The following TRIM2 variants were observed in gnomAD, a reference collection of about 807,000 sequenced individuals.
The protein encoded by TRIM2 is tripartite motif-containing protein 2.
A neutral mutation model predicts 75.2 loss-of-function variants in TRIM2; 20 were observed. The ratio of observed to expected loss-of-function variants is 0.27; its 90% CI spans 0.19 to 0.39. The LOEUF is 0.39. Ranked by LOEUF, TRIM2 falls within the 10% of genes least tolerant of loss-of-function variation. TRIM2 has a pLI of 1.00. For missense variants in TRIM2, 660 were observed against 990.8 expected, an observed-to-expected ratio of 0.67 and a Z score of 4.48; for synonymous variants, 373 against 388.3, an observed-to-expected ratio of 0.96 and a Z score of 0.46.
intron 6 of TRIM2, among the ~76,000 whole-genome samples, chr4:153,298,975 A>G (rs1280159121): frequency 6.6e-6 from 1 of 151,926 alleles, no homozygotes; most frequent in Non-Finnish European, 1.5e-5. Flanking sequence ...CTGGACTCAA[A>G]CAATCTCCCC....
intron 1 of TRIM2, among the ~76,000 whole-genome samples, chr4:153,195,196 C>G (rs935425827): frequency 3.3e-5 from 5 of 152,126 alleles, no homozygotes; most frequent in South Asian, 4.1e-4. Context: ...GAGACAGAGA[C>G]GGGAGTTCCT....
In TRIM2 at chr4:153,248,687, G is replaced by A. The variant is rs1169372344; in HGVS notation, c.31-21648G>A. 6.6e-6 allele frequency among the ~76,000 whole-genome samples: 1 copy of A among 152,246 alleles called. No individual in the cohort carries two copies. Among genetic ancestry groups the A allele is most frequent in the Non-Finnish European group, 1.5e-5 (1 of 68,046 alleles). ...CGTGCCTTAATCGCAGATGCATTCT[G>A]ACTTTCATCATAGGATTCTAATCGT... On this transcript the variant is annotated intron_variant, in intron 1 of 11. Coordinates refer to ENST00000338700, the MANE Select transcript of TRIM2 (RefSeq NM_015271.5). This position sits in a 1 kb window ranked among gnomAD's most constrained non-coding sequence, Gnocchi z 4.0.
chr4:153,339,239 A>T lies in TRIM2; in HGVS notation c.*4273A>T, dbSNP rs73854662. The T allele has an allele frequency of 7.6e-3, 7,423 of 970,330 alleles. 404 individuals carry two copies. In the African/African-American group the frequency reaches 0.12, roughly 16 times the overall value. The allele number at this position is 970,330 out of a possible 1,614,324, so 60.1% of individuals were successfully genotyped here. A position where few individuals can be genotyped will look rare whatever the true frequency, so the allele number is the denominator to read the frequency against. On this transcript the variant is annotated 3_prime_UTR_variant, in exon 12 of 12. Coordinates refer to ENST00000338700, the MANE Select transcript of TRIM2 (RefSeq NM_015271.5). The stretch of plus-strand genomic sequence containing the variant: ...CTTTCAATTAATTCTGTCTTGAAAC[A>T]TAGGAGAAACAGGATTCATGTGTAT...
chr4:153,227,014 G>C (rs553684156), intron 1 of TRIM2, among the ~76,000 whole-genome samples: 1 of 152,292 alleles, frequency 6.6e-6, no homozygotes, highest in East Asian at 1.9e-4. Context: ...TCAAGTCCTG[G>C]TGGTACCTTT....
intron 1 of TRIM2, among the ~76,000 whole-genome samples, chr4:153,154,704 T>C (rs1183338082): frequency 1.3e-5 from 2 of 152,198 alleles, no homozygotes; most frequent in African/African-American, 4.8e-5. Context: ...TGCCTAAAAA[T>C]ACACTAACCA....
At position 153,273,270 on chromosome 4, in the gene TRIM2, C is replaced by CTTTTTT. The variant is rs72414117; in HGVS notation, c.216-2605_216-2600dup. ...ACTCAGTGAGCACCTTACAGTCACT[C>CTTTTTT]TTTTTTTTTTTTTTTTTTTTTTTGA... is the stretch of plus-strand genomic sequence containing the variant. On this transcript the variant is annotated intron_variant, in intron 2 of 11. Coordinates refer to ENST00000338700, the MANE Select transcript of TRIM2 (RefSeq NM_015271.5). Among the ~76,000 whole-genome samples, 353 of 57,360 alleles carry CTTTTTT rather than the reference C, an allele frequency of 6.2e-3. 55 individuals are homozygous for CTTTTTT. Among genetic ancestry groups the CTTTTTT allele is most frequent in the African/African-American group, 0.023 (324 of 14,284 alleles). 37.6% of individuals were successfully genotyped at this position (57,360 alleles called of 152,430 possible). A position where few individuals can be genotyped will look rare whatever the true frequency, so the allele number is the denominator to read the frequency against.
intron 1 of TRIM2, among the ~76,000 whole-genome samples, chr4:153,227,187 G>C (rs1408708290): frequency 6.6e-6 from 1 of 152,156 alleles, no homozygotes; most frequent in African/African-American, 2.4e-5. Context: ...TGTTTCCTTT[G>C]GCAGTGAAAG....
chr4:153,292,616 T>C (rs533835999), intron 3 of TRIM2, among the ~76,000 whole-genome samples: 2 of 152,270 alleles, frequency 1.3e-5, no homozygotes, highest in African/African-American at 4.8e-5. Flanking sequence ...ATATAAGAAA[T>C]ATCTATAAAT....
intron 1 of TRIM2, among the ~76,000 whole-genome samples, chr4:153,232,545 C>T (rs562046287): frequency 3.3e-5 from 5 of 151,838 alleles, no homozygotes; most frequent in East Asian, 1.9e-4. Context: ...AAAATTGAGT[C>T]GTGACCAGCA....
chr4:153,304,305 G>A (rs941179405), intron 6 of TRIM2, among the ~76,000 whole-genome samples: 8 of 151,964 alleles, frequency 5.3e-5, no homozygotes, highest in African/African-American at 1.9e-4. Flanking sequence ...GTAGAGATGG[G>A]CTTTTACCAT....
chr4:153,256,134 A>T (rs1053744214), intron 1 of TRIM2, among the ~76,000 whole-genome samples: 1 of 152,244 alleles, frequency 6.6e-6, no homozygotes. Context: ...AATTCAATGA[A>T]GCTTTAAAAA....
chr4:153,338,096 T>A lies in TRIM2; in HGVS notation c.*3130T>A, dbSNP rs1219833248. 2.0e-6 allele frequency: 2 copies of A among 985,656 alleles called. No individual in the cohort carries two copies. The highest frequency in any genetic ancestry group is 6.2e-5 in the Admixed American group (1 of 16,260). 61.1% of individuals were successfully genotyped at this position (985,656 alleles called of 1,614,324 possible). A position where few individuals can be genotyped will look rare whatever the true frequency, so the allele number is the denominator to read the frequency against. On this transcript the variant is annotated 3_prime_UTR_variant, in exon 12 of 12. Transcript: ENST00000338700. ...TTACTGTGACTAGATTTGAAGCAAATAAATACTCCAGATCCATGCAGCTAG... is the reference window on the plus strand; with the variant it reads ...TTACTGTGACTAGATTTGAAGCAAAAAAATACTCCAGATCCATGCAGCTAG...
intron 1 of TRIM2, among the ~76,000 whole-genome samples, chr4:153,244,366 C>CTTCTTCTTG (rs1748159561): frequency 2.3e-5 from 1 of 43,418 alleles, no homozygotes; most frequent in Non-Finnish European, 3.7e-5. Context: ...TCTTCTTCTT[C>CTTCTTCTTG]TTCTTCTTCT....
At chr4:153,155,305 G>A (rs1225812667) in intron 1 of TRIM2, among the ~76,000 whole-genome samples, 1 of 152,190 alleles carries the variant, frequency 6.6e-6, no homozygotes, top group Admixed American at 6.5e-5. Flanking sequence ...TATTACATAT[G>A]ACATATCAAA....
In TRIM2 at chr4:153,244,386, TC is replaced by T. The variant is rs1748224485; in HGVS notation, c.31-25948del. Among the ~76,000 whole-genome samples the T allele has an allele frequency of 1.2e-4, 9 of 74,352 alleles. 3 individuals carry two copies. The highest frequency in any genetic ancestry group is 9.5e-3 in the Middle Eastern group (2 of 210). 48.8% of individuals were successfully genotyped at this position (74,352 alleles called of 152,430 possible). ...TTCTTCTTCTTCTTCTTCTTCTTCT[TC>T]TTCTTCTTCTTCTTCTTCTTCTTCT... On this transcript the variant is annotated intron_variant, in intron 1 of 11. Transcript: ENST00000338700.
chr4:153,291,866 G>T (rs1761895941), intron 3 of TRIM2, among the ~76,000 whole-genome samples: 1 of 152,110 alleles, frequency 6.6e-6, no homozygotes. Context: ...CTTCATAGTA[G>T]CCCTGTGAAG....
intron 2 of TRIM2, 23 bp from the exon 3 acceptor site, chr4:153,275,870 C>G: frequency 6.2e-7 from 1 of 1,609,168 alleles, no homozygotes; most frequent in Non-Finnish European, 8.5e-7. Flanking sequence ...GTGCTAAGCT[C>G]TCCACCTCTG....
At chr4:153,230,193 T>C (rs1271390915) in intron 1 of TRIM2, among the ~76,000 whole-genome samples, 1 of 152,194 alleles carries the variant, frequency 6.6e-6, no homozygotes, top group Non-Finnish European at 1.5e-5. Flanking sequence ...ATTTTTTTTT[T>C]TTTAAGAGAC....
rs748590177 is a variant in TRIM2, at chr4:153,315,479, T to C, written c.1511-6T>C. On this transcript the variant is annotated splice_polypyrimidine_tract_variant and splice_region_variant and intron_variant, in intron 6 of 11. Coordinates refer to ENST00000338700, the MANE Select transcript of TRIM2 (RefSeq NM_015271.5). ...TTAATTTTTATGATTTTATCATTTA[T>C]TTTAGGTACCAAAGGAAGAAATAAA... The C allele has an allele frequency of 6.3e-7, 1 of 1,590,830 alleles. No individual in the cohort carries two copies. The highest frequency in any genetic ancestry group is 2.2e-5 in the East Asian group (1 of 44,640).
Sources: gnomAD v4.1 joint callset for allele counts (sites outside exome capture counted in the v4.1 genomes callset) on GRCh38, gnomAD v4.1.1 for gene constraint, Gnocchi (gnomAD v3.1) non-coding constraint, MANE v1.5 for transcripts, NCBI Gene and HGNC (gene_info 2026-07-23, HGNC 2026-07-21) for gene names.